ZNF202: variants seen among roughly 807,000 people sequenced by gnomAD.
ZNF202 encodes the protein zinc finger protein with KRAB and SCAN domains 10.
In ZNF202, 22 loss-of-function variants were observed where a neutral mutation model predicts 54.5. That is an observed-to-expected ratio of 0.40 (90% CI 0.29 to 0.58). ZNF202 has a LOEUF of 0.58. Among genes scored for constraint, ZNF202 ranks in the 20% least tolerant of loss-of-function variants. The probability of loss-of-function intolerance (pLI) is 0.39; values close to 1 mark genes in which losing one functional copy is unlikely to be tolerated. For missense variants in ZNF202, 644 were observed against 805.5 expected, an observed-to-expected ratio of 0.80 and a Z score of 2.43; for synonymous variants, 294 against 301.4, an observed-to-expected ratio of 0.98 and a Z score of 0.26.
At position 123,727,522 on chromosome 11, in the gene ZNF202, C is replaced by T. The variant is rs774922094; in HGVS notation, c.906G>A (p.Glu302=). The change falls in exon 8 of 9, where the codon GAG becomes GAA. Residue 302 remains glutamate, a synonymous_variant. Transcript: ENST00000530393. The part of the protein sequence containing the change: ...EEEPWVPDIQ[E]PQETQEPEIL... The stretch of plus-strand genomic sequence containing the variant: ...TTTCTGGCTCTTGAGTCTCCTGAGG[C>T]TCTTGGATATCTGGGACCCAAGGCT... 1.3e-5 allele frequency: 21 copies of T among 1,613,998 alleles called. 1 individual carries two copies. The highest frequency in any genetic ancestry group is 1.1e-4 in the South Asian group (10 of 91,088).
chr11:123,726,239 C>T lies in ZNF202; in HGVS notation c.1705G>A (p.Glu569Lys), dbSNP rs779754451. The change falls in exon 9 of 9, where the codon GAG (glutamate) becomes AAG (lysine). Residue 569 changes from glutamate (E) to lysine (K), a missense_variant. Coordinates refer to ENST00000530393, the MANE Select transcript of ZNF202 (RefSeq NM_003455.4). The surrounding 1 kb of genome is among the most constrained non-coding windows in gnomAD (Gnocchi z 6.0). ...CTGTGGGTGAAGCAGCGCCCGCACTCGCTGCAGAGGTAGAGTTCCTCAGCA... is the reference window on the plus strand; with the variant it reads ...CTGTGGGTGAAGCAGCGCCCGCACTTGCTGCAGAGGTAGAGTTCCTCAGCA... ...HAAEELYLCS[E>K]CGRCFTHSAA... 3.1e-6 allele frequency: 5 copies of T among 1,614,212 alleles called. No homozygotes were observed. Among genetic ancestry groups the T allele is most frequent in the South Asian group, 1.1e-5 (1 of 91,080 alleles).
At chr11:123,738,048 G>A (rs1861703777) in intron 3 of ZNF202, among the ~76,000 whole-genome samples, 1 of 152,222 alleles carries the variant, frequency 6.6e-6, no homozygotes, top group African/African-American at 2.4e-5. Flanking sequence ...GGTTTACTCT[G>A]TTGCTAAGAC....
chr11:123,728,705 T>G (rs1308648704), intron 6 of ZNF202, among the ~76,000 whole-genome samples: 1 of 152,174 alleles, frequency 6.6e-6, no homozygotes, highest in Admixed American at 6.5e-5. Flanking sequence ...GAATTCTATT[T>G]CTTTTTCTCC....
intron 6 of ZNF202, 115 bp from the exon 7 acceptor site, chr11:123,728,377 T>TGGCG: frequency 7.6e-7 from 1 of 1,320,464 alleles, no homozygotes; most frequent in African/African-American, 1.5e-5. Context: ...GGAGCTTGAG[T>TGGCG]GGCGGGCTGC....
At position 123,730,459 on chromosome 11, in the gene ZNF202, C is replaced by A. The variant is rs770376324; in HGVS notation, c.402+28G>T. 1 of 1,502,028 alleles carries A rather than the reference C, an allele frequency of 6.7e-7. No individual in the cohort carries two copies. The highest frequency in any genetic ancestry group is 8.9e-7 in the Non-Finnish European group (1 of 1,127,036). 93.0% of individuals were successfully genotyped at this position (1,502,028 alleles called of 1,614,324 possible). ...TCCAGCAAATAGTCCCCCTCCACAT[C>A]ACACAGATCAGGACTCCCCCTCCTC... On this transcript the variant is annotated intron_variant, in intron 4 of 8. Transcript: ENST00000530393. The surrounding 1 kb of genome is among the most constrained non-coding windows in gnomAD (Gnocchi z 6.0).
rs752659961 is a variant in ZNF202 at position 123,730,787 on chromosome 11, G to A, written c.102C>T (p.Val34=). 4.3e-6 allele frequency: 7 copies of A among 1,614,186 alleles called. No homozygotes were observed. The Admixed American group carries it at 1.0e-4, about 23-fold the overall frequency. Residue 34 remains valine (V), a synonymous_variant, in exon 4 of 9, where the codon GTC becomes GTT. Transcript: ENST00000530393. The surrounding 1 kb of genome is among the most constrained non-coding windows in gnomAD (Gnocchi z 6.0). ...EDDFTCRPES[V]LQRDDPVLET... is the part of the protein sequence containing the mutation. ...CCAGCACCGGGTCATCCCTCTGTAA[G>A]ACAGACTCTGGCCGACAGGTGAAAT...
In ZNF202 at chr11:123,726,151, C is replaced by T; in HGVS notation, c.1793G>A (p.Cys598Tyr). The change falls in exon 9 of 9, where the codon TGT becomes TAT. Residue 598 changes from cysteine to tyrosine, a missense_variant. Coordinates refer to ENST00000530393, the MANE Select transcript of ZNF202 (RefSeq NM_003455.4). The surrounding 1 kb of genome is among the most constrained non-coding windows in gnomAD (Gnocchi z 6.0). Reference protein sequence around the residue: ...ASVRPCRCNECGKSFSRRDHL... With the variant: ...ASVRPCRCNEYGKSFSRRDHL... ...GTCCCTGCGACTGAAGCTCTTCCCA[C>T]ATTCGTTGCATCGGCAGGGCCTCAC... is the stretch of plus-strand genomic sequence containing the variant. 2 of 1,614,236 alleles carry T rather than the reference C, an allele frequency of 1.2e-6. No individual in the cohort carries two copies. Among genetic ancestry groups the T allele is most frequent in the Non-Finnish European group, 1.7e-6 (2 of 1,180,040 alleles).
chr11:123,733,166 C>G (rs1026875616), intron 3 of ZNF202, among the ~76,000 whole-genome samples: 2 of 152,192 alleles, frequency 1.3e-5, no homozygotes, highest in African/African-American at 4.8e-5. Context: ...TGCCTCACAT[C>G]CACATTCAAG....
rs1291669222 is a variant in ZNF202, at chr11:123,725,941, T to C, written c.*56A>G. On this transcript the variant is annotated 3_prime_UTR_variant, in exon 9 of 9. Coordinates refer to ENST00000530393, the MANE Select transcript of ZNF202 (RefSeq NM_003455.4). ...CAGGCTGACAAGAGGGCTTTTCCTC[T>C]TCCTCACCTCCCTTAGGTGAGGGCT... The C allele has an allele frequency of 1.3e-6, 2 of 1,540,298 alleles. No homozygotes were observed. The highest frequency in any genetic ancestry group is 2.3e-5 in the East Asian group (1 of 44,290).
rs754940450 is a variant in ZNF202, at chr11:123,730,569, C to T, written c.320G>A (p.Arg107Gln). 1.9e-6 allele frequency: 3 copies of T among 1,598,988 alleles called. No homozygotes were observed. Among genetic ancestry groups the T allele is most frequent in the Middle Eastern group, 3.4e-4 (2 of 5,944 alleles). The change falls in exon 4 of 9, where the codon CGG becomes CAG. Residue 107 changes from arginine (R) to glutamine (Q), a missense_variant. Around this residue, in one of 3 missense-constraint regions of ZNF202, gnomAD observed 62 missense variants for 122.8 expected, o/e 0.50. Transcript: ENST00000530393. The surrounding 1 kb of genome is among the most constrained non-coding windows in gnomAD (Gnocchi z 6.0). ...CTCGCCACTTTCTGGCCGTTGGCCC[C>T]GCACCCAGCTCTGTAGTTCTCCAGG... ...VLPGELQSWV[R>Q]GQRPESGEEA...
chr11:123,728,763 A>C (rs1050481036), intron 6 of ZNF202, among the ~76,000 whole-genome samples: 11 of 152,176 alleles, frequency 7.2e-5, no homozygotes, highest in African/African-American at 2.6e-4. Flanking sequence ...AATACTTCCT[A>C]AATGTCTCAG....
chr11:123,727,193 T>C (rs1362009479), intron 8 of ZNF202, among the ~76,000 whole-genome samples: 1 of 152,242 alleles, frequency 6.6e-6, no homozygotes, highest in East Asian at 1.9e-4. Context: ...AATGCAGAGA[T>C]TGAGAATCGA....
At chr11:123,737,381 A>G (rs895375801) in intron 3 of ZNF202, among the ~76,000 whole-genome samples, 6 of 152,172 alleles carry the variant, frequency 3.9e-5, no homozygotes, top group African/African-American at 1.4e-4. Flanking sequence ...TATTTTTGCC[A>G]CCTAAGTTTC....
chr11:123,738,237 C>T (rs1458502370), intron 3 of ZNF202, among the ~76,000 whole-genome samples: 1 of 152,178 alleles, frequency 6.6e-6, no homozygotes, highest in East Asian at 1.9e-4. Context: ...TCTCAAATAC[C>T]TGGGCTCAAG....
rs1346425307 is a variant in ZNF202, at chr11:123,724,024, G to T, written c.*1973C>A. ...CAGTATTTTACCAACCTTTATAAAT[G>T]GTTAAGTCTGAGCTAGGAGAAACTA... On this transcript the variant is annotated 3_prime_UTR_variant, in exon 9 of 9. Transcript: ENST00000530393. Among the ~76,000 whole-genome samples, 1 of 152,202 alleles carries T rather than the reference G, an allele frequency of 6.6e-6. No homozygotes were observed. The highest frequency in any genetic ancestry group is 1.9e-4 in the East Asian group (1 of 5,194).
intron 6 of ZNF202, 60 bp downstream of exon 6, chr11:123,729,066 G>T: frequency 1.3e-6 from 2 of 1,551,180 alleles, no homozygotes; most frequent in South Asian, 1.1e-5. Flanking sequence ...GTTTAGTATG[G>T]CTTATGCCCA....
At chr11:123,728,078 A>G (rs1454328794) in intron 7 of ZNF202, 55 bp downstream of exon 7, 6 of 1,568,436 alleles carry the variant, frequency 3.8e-6, no homozygotes, top group Non-Finnish European at 5.2e-6. Context: ...CAAAATTTCC[A>G]GCAGGAAAAA....
At chr11:123,741,081 G>A (rs1861843117) in intron 1 of ZNF202, among the ~76,000 whole-genome samples, 1 of 152,110 alleles carries the variant, frequency 6.6e-6, no homozygotes. Flanking sequence ...GGTGGTGTAA[G>A]GAGATGGGGC....
At chr11:123,733,298 A>AT (rs1861492306) in intron 3 of ZNF202, among the ~76,000 whole-genome samples, 1 of 151,982 alleles carries the variant, frequency 6.6e-6, no homozygotes, top group African/African-American at 2.4e-5. Flanking sequence ...CTCTTATGAC[A>AT]TTTTTTTCAT....
Sources: allele counts gnomAD v4.1 joint callset (sites outside exome capture counted in the v4.1 genomes callset), GRCh38; gene constraint gnomAD v4.1.1; regional missense constraint gnomAD v4.1.1; non-coding constraint Gnocchi (gnomAD v3.1); transcripts MANE v1.5; gene names NCBI Gene and HGNC (gene_info 2026-07-23, HGNC 2026-07-21).